ALDH18A1: variants seen among roughly 807,000 people sequenced by gnomAD.
The protein encoded by ALDH18A1 is delta-1-pyrroline-5-carboxylate synthase.
A neutral mutation model predicts 88.8 loss-of-function variants in ALDH18A1; 44 were observed. That is an observed-to-expected ratio of 0.50 (90% CI 0.39 to 0.64). ALDH18A1 has a LOEUF of 0.64. Ranked by LOEUF, ALDH18A1 falls within the 30% of genes least tolerant of loss-of-function variation. The probability of loss-of-function intolerance (pLI) is 0.00; values close to 1 mark genes in which losing one functional copy is unlikely to be tolerated. For synonymous variants in ALDH18A1, 331 were observed against 372.1 expected (o/e 0.89, Z 1.27); for missense variants, 782 against 1,009.5 (o/e 0.77, Z 3.05).
At chr10:95,639,158 C>T (rs147566867) in intron 3 of ALDH18A1, among the ~76,000 whole-genome samples, 1 of 151,870 alleles carries the variant, frequency 6.6e-6, no homozygotes, top group African/African-American at 2.4e-5. Context: ...ATAGTAAGAC[C>T]CCATATCTAT....
intron 12 of ALDH18A1, among the ~76,000 whole-genome samples, chr10:95,619,736 T>C (rs1438796040): frequency 7.9e-5 from 12 of 152,340 alleles, no homozygotes; most frequent in Middle Eastern, 3.4e-3. Flanking sequence ...GCTAGCCATA[T>C]GTAGAGAGCT....
chr10:95,607,216 T>C (rs1459611593), intron 17 of ALDH18A1, among the ~76,000 whole-genome samples: 1 of 152,244 alleles, frequency 6.6e-6, no homozygotes, highest in African/African-American at 2.4e-5. Flanking sequence ...TTAATACAAG[T>C]GCTGTCTCTT....
rs2139513721 is a variant in ALDH18A1, at chr10:95,606,890, G to A, written c.2260C>T (p.Leu754Phe). 3.1e-6 allele frequency: 5 copies of A among 1,614,114 alleles called. No individual in the cohort carries two copies. The highest frequency in any genetic ancestry group is 4.2e-6 in the Non-Finnish European group (5 of 1,180,024). Residue 754 changes from leucine to phenylalanine, a missense_variant, in exon 18 of 18, where the codon CTT (leucine) becomes TTT (phenylalanine). Coordinates refer to ENST00000371224, the MANE Select transcript of ALDH18A1 (RefSeq NM_002860.4). ...CACTTAGTAGTAAGCAGTCCCTCAAGTCCTACTGGTCCCCGGGCGTGGATT... is the reference window on the plus strand; with the variant it reads ...CACTTAGTAGTAAGCAGTCCCTCAAATCCTACTGGTCCCCGGGCGTGGATT... The part of the protein sequence containing the change: ...SRIHARGPVG[L>F]EGLLTTKWLL...
chr10:95,649,897 A>G (rs943453851), intron 2 of ALDH18A1, among the ~76,000 whole-genome samples: 2 of 151,540 alleles, frequency 1.3e-5, no homozygotes, highest in East Asian at 1.9e-4. Flanking sequence ...TAAAAAAAAA[A>G]AACAAAGAAA....
intron 3 of ALDH18A1, among the ~76,000 whole-genome samples, chr10:95,640,072 G>GCTGA (rs1414513729): frequency 1.3e-5 from 2 of 152,136 alleles, no homozygotes; most frequent in Non-Finnish European, 2.9e-5. Context: ...GATGCAAAAT[G>GCTGA]CTGACACTCT....
At chr10:95,652,556 C>A (rs533444766) in intron 2 of ALDH18A1, among the ~76,000 whole-genome samples, 1 of 151,920 alleles carries the variant, frequency 6.6e-6, no homozygotes, top group Non-Finnish European at 1.5e-5. Flanking sequence ...GCCAACATGG[C>A]GAAACCCTAT....
At chr10:95,649,328 C>T (rs1222575706) in intron 2 of ALDH18A1, among the ~76,000 whole-genome samples, 3 of 150,728 alleles carry the variant, frequency 2.0e-5, no homozygotes, top group Non-Finnish European at 4.4e-5. Context: ...CCAGCCAGAG[C>T]AACATAGACT....
At chr10:95,611,671 G>A (rs538376195) in intron 15 of ALDH18A1, among the ~76,000 whole-genome samples, 6 of 152,290 alleles carry the variant, frequency 3.9e-5, no homozygotes, top group South Asian at 4.1e-4. Context: ...AGCCTTGAAC[G>A]TTAAGGATGT....
At chr10:95,643,470 A>AAGAC (rs2097895720) in intron 2 of ALDH18A1, among the ~76,000 whole-genome samples, 1 of 152,226 alleles carries the variant, frequency 6.6e-6, no homozygotes, top group African/African-American at 2.4e-5. Context: ...ATCTCTCTTG[A>AAGAC]AGACAGGTTG....
At chr10:95,622,473 A>G (rs956597593) in intron 11 of ALDH18A1, among the ~76,000 whole-genome samples, 5 of 152,058 alleles carry the variant, frequency 3.3e-5, no homozygotes, top group African/African-American at 1.2e-4. Flanking sequence ...AAGTGCTGGG[A>G]TTACTGGTAT....
intron 12 of ALDH18A1, among the ~76,000 whole-genome samples, chr10:95,617,226 A>G (rs915676021): frequency 5.3e-5 from 8 of 152,354 alleles, no homozygotes; most frequent in African/African-American, 1.9e-4. Context: ...CAGCCTGGGC[A>G]ACAGAGTGAG....
intron 3 of ALDH18A1, among the ~76,000 whole-genome samples, chr10:95,640,181 T>G (rs759588198): frequency 6.6e-6 from 1 of 152,156 alleles, no homozygotes; most frequent in Non-Finnish European, 1.5e-5. Context: ...AGTTTGTCTA[T>G]GAAAAGCAGG....
In ALDH18A1 at chr10:95,637,052, C is replaced by A. The variant is rs754371464; in HGVS notation, c.558+41G>T. 8.2e-6 allele frequency: 13 copies of A among 1,588,860 alleles called. No individual in the cohort carries two copies. The South Asian group carries it at 1.2e-4, about 15-fold the overall frequency. ...GACCCCTTTGTTCCACAACAACCAC[C>A]CTCACAGGTCCCACACCCATTTCAA... is the stretch of plus-strand genomic sequence containing the variant. On this transcript the variant is annotated intron_variant, in intron 5 of 17. Transcript: ENST00000371224.
chr10:95,628,588 C>T (rs2097863714), intron 7 of ALDH18A1, 96 bp from the exon 8 acceptor site: 1 of 1,473,676 alleles, frequency 6.8e-7, no homozygotes, highest in African/African-American at 1.4e-5. Flanking sequence ...GTACTTTACT[C>T]ATCCAAATGA....
At chr10:95,639,573 T>C (rs1486244463) in intron 3 of ALDH18A1, among the ~76,000 whole-genome samples, 1 of 151,090 alleles carries the variant, frequency 6.6e-6, no homozygotes, top group African/African-American at 2.4e-5. Flanking sequence ...TCATATATAT[T>C]ATATATAATA....
chr10:95,613,717 T>C (rs554676687), intron 15 of ALDH18A1, 25 bp downstream of exon 15: 4 of 1,613,964 alleles, frequency 2.5e-6, no homozygotes, highest in Admixed American at 1.7e-5. Flanking sequence ...CAGGAAGTAA[T>C]GTACTAGTCC....
At chr10:95,616,110 T>G (rs912510020) in intron 13 of ALDH18A1, among the ~76,000 whole-genome samples, 43 of 152,248 alleles carry the variant, frequency 2.8e-4, no homozygotes, top group African/African-American at 1.0e-3. Flanking sequence ...TGACAGTTTA[T>G]GACAAACTTT....
At chr10:95,608,810 T>G (rs942711325) in intron 17 of ALDH18A1, among the ~76,000 whole-genome samples, 2 of 152,052 alleles carry the variant, frequency 1.3e-5, no homozygotes, top group African/African-American at 4.8e-5. Context: ...CTAAAATGTT[T>G]TGAGTGGTTG....
chr10:95,616,325 T>A, intron 13 of ALDH18A1, 152 bp downstream of exon 13: 1 of 1,043,880 alleles, frequency 9.6e-7, no homozygotes, highest in East Asian at 2.6e-5. Flanking sequence ...CTCTGCAGAA[T>A]GGCCTAAAGT....
Sources: gnomAD v4.1 joint callset for allele counts (sites outside exome capture counted in the v4.1 genomes callset) on GRCh38, gnomAD v4.1.1 for gene constraint, MANE v1.5 for transcripts, NCBI Gene and HGNC (gene_info 2026-07-23, HGNC 2026-07-21) for gene names.